COL25A1: variants seen among roughly 807,000 people sequenced by gnomAD.
COL25A1 encodes collagen type XXV alpha 1 chain.
COL25A1 carries 103 observed loss-of-function variants against 128.4 expected under a neutral mutation model. That is an observed-to-expected ratio of 0.80 (90% confidence interval 0.68 to 0.94). COL25A1 has a LOEUF of 0.94. Among genes scored for constraint, COL25A1 ranks in the 40% least tolerant of loss-of-function variants. The probability of loss-of-function intolerance (pLI) is 0.00; values close to 1 mark genes in which losing one functional copy is unlikely to be tolerated. For missense variants in COL25A1, 745 were observed against 840.0 expected (o/e 0.89, Z 1.40); for synonymous variants, 279 against 277.2 (o/e 1.01, Z -0.06).
intron 8 of COL25A1, among the ~76,000 whole-genome samples, chr4:108,962,774 G>C (rs1266878360): frequency 6.6e-6 from 1 of 151,936 alleles, no homozygotes; most frequent in East Asian, 1.9e-4. Context: ...ATTCATTTGT[G>C]CTAATAAAAC....
intron 11 of COL25A1, among the ~76,000 whole-genome samples, chr4:108,929,413 C>T (rs1179101476): frequency 1.3e-5 from 2 of 152,180 alleles, no homozygotes; most frequent in Non-Finnish European, 2.9e-5. Context: ...CATGAGCCAC[C>T]GCGCCCGGCT....
intron 30 of COL25A1, among the ~76,000 whole-genome samples, chr4:108,843,148 CAAAAAAAAAAA>C (rs540931971): frequency 2.3e-5 from 2 of 88,306 alleles, no homozygotes; most frequent in African/African-American, 4.6e-5. Context: ...GACCCTGTCT[CAAAAAAAAAAA>C]AAAAAAAAAA....
At chr4:109,267,156 T>C (rs566034290) in intron 3 of COL25A1, among the ~76,000 whole-genome samples, 1 of 152,246 alleles carries the variant, frequency 6.6e-6, no homozygotes, top group African/African-American at 2.4e-5. Flanking sequence ...TAAAACCAGA[T>C]AGGAAAAGTC....
intron 3 of COL25A1, among the ~76,000 whole-genome samples, chr4:109,225,238 A>C (rs1255193588): frequency 6.6e-6 from 1 of 151,942 alleles, no homozygotes; most frequent in East Asian, 1.9e-4. Flanking sequence ...TGCACCTGAC[A>C]AAAAAACTTA....
chr4:108,853,127 T>A (rs949514959), intron 24 of COL25A1, among the ~76,000 whole-genome samples: 2 of 152,106 alleles, frequency 1.3e-5, no homozygotes, highest in Non-Finnish European at 2.9e-5. Context: ...ATTTTTAGAA[T>A]CCTATTTAAA....
intron 3 of COL25A1, among the ~76,000 whole-genome samples, chr4:109,270,324 T>C (rs1381070137): frequency 6.6e-6 from 1 of 152,182 alleles, no homozygotes; most frequent in South Asian, 2.1e-4. Flanking sequence ...GAAAAACCCA[T>C]TGTCTCAGCC....
intron 3 of COL25A1, among the ~76,000 whole-genome samples, chr4:109,270,051 G>C (rs560096508): frequency 6.6e-6 from 1 of 152,108 alleles, no homozygotes; most frequent in Admixed American, 6.5e-5. Context: ...AATAAATTAG[G>C]TATTGATGGG....
intron 3 of COL25A1, among the ~76,000 whole-genome samples, chr4:109,161,826 G>A (rs935632376): frequency 6.6e-6 from 1 of 152,218 alleles, no homozygotes; most frequent in African/African-American, 2.4e-5. Flanking sequence ...AGAAACAAGA[G>A]GAGAAGTGCC....
intron 8 of COL25A1, among the ~76,000 whole-genome samples, chr4:108,952,647 T>C (rs1377826487): frequency 1.3e-5 from 2 of 152,120 alleles, no homozygotes; most frequent in Non-Finnish European, 2.9e-5. Context: ...GCTCTTCAGT[T>C]GAGGTTGCCA....
Position 108,817,431 on chromosome 4 carries a change from G to A in COL25A1, c.1928C>T (p.Pro643Leu). The A allele has an allele frequency of 6.2e-7, 1 of 1,613,054 alleles. No homozygotes were observed. Among genetic ancestry groups the A allele is most frequent in the Non-Finnish European group, 8.5e-7 (1 of 1,179,286 alleles). The change falls in exon 37 of 38, where the codon CCA becomes CTA. Residue 643 changes from proline (P) to leucine (L), a missense_variant. Coordinates refer to ENST00000399132, the MANE Select transcript of COL25A1 (RefSeq NM_198721.4). ...DGLDAPCQLG[P>L]DGLPMPGCWQ... The stretch of plus-strand genomic sequence containing the variant: ...ACAGCCAGGCATGGGTAAGCCATCT[G>A]GCCCCTGTTTTAAAGAGAAGAAAAA...
intron 37 of COL25A1, among the ~76,000 whole-genome samples, chr4:108,816,376 G>A (rs964042697): frequency 2.0e-5 from 3 of 152,160 alleles, no homozygotes; most frequent in South Asian, 2.1e-4. Context: ...TGCTAATGAA[G>A]CATGCCTGTC....
At chr4:108,924,675 C>T (rs868726845) in intron 11 of COL25A1, among the ~76,000 whole-genome samples, 1 of 152,212 alleles carries the variant, frequency 6.6e-6, no homozygotes, top group Admixed American at 6.5e-5. Context: ...CTCCTCCAAT[C>T]CTTTCTGCAC....
At position 109,050,141 on chromosome 4, in the gene COL25A1, C is replaced by T. The variant is rs550252586; in HGVS notation, c.406G>A (p.Glu136Lys). Residue 136 changes from glutamate to lysine, a missense_variant, in exon 4 of 38, where the codon GAA (glutamate) becomes AAA (lysine). Glu to Lys is a moderately conservative substitution (Grantham distance 56, BLOSUM62 1). Around this residue, in one of 3 missense-constraint regions of COL25A1, gnomAD observed 319 missense variants for 324.9 expected, o/e 0.98. Transcript: ENST00000399132. ...GKRGKRGRRG[E>K]SGPPGQPGPQ... ...AGCTGAAAGAGAGACTTACCAGATT[C>T]TCCTCTTCGGCCTCTCTTACCTCGT... is the stretch of plus-strand genomic sequence containing the variant. 1.2e-6 allele frequency: 2 copies of T among 1,609,422 alleles called. No homozygotes were observed. The highest frequency in any genetic ancestry group is 1.3e-5 in the African/African-American group (1 of 74,934).
At chr4:109,081,633 T>G (rs1281668772) in intron 3 of COL25A1, among the ~76,000 whole-genome samples, 1 of 152,166 alleles carries the variant, frequency 6.6e-6, no homozygotes, top group Non-Finnish European at 1.5e-5. Context: ...CCATACCCTT[T>G]AGCTATCAAC....
rs549605951 is a variant in COL25A1, at chr4:108,966,525, A to G, written c.492+7842T>C. ...TTGAACAAGTCACTTAATCTGCTTG[A>G]GTTCAATCCTCATCAGAAAAATAAA... On this transcript the variant is annotated intron_variant, in intron 8 of 37. Coordinates refer to ENST00000399132, the MANE Select transcript of COL25A1 (RefSeq NM_198721.4). 4.7e-4 allele frequency among the ~76,000 whole-genome samples: 71 copies of G among 152,214 alleles called. 1 individual carries two copies. The South Asian group carries it at 0.014, about 30-fold the overall frequency.
At chr4:109,215,004 C>A (rs1053077658) in intron 3 of COL25A1, among the ~76,000 whole-genome samples, 16 of 152,102 alleles carry the variant, frequency 1.1e-4, no homozygotes, top group Non-Finnish European at 2.2e-4. Context: ...AGATTTTTCC[C>A]TTAGCTTGAT....
chr4:109,222,789 A>G (rs1401460248), intron 3 of COL25A1, among the ~76,000 whole-genome samples: 3 of 152,200 alleles, frequency 2.0e-5, no homozygotes, highest in Non-Finnish European at 4.4e-5. Flanking sequence ...GAATGAAAAA[A>G]CTGCATTGTT....
rs1759098832 is a variant in COL25A1, at chr4:109,033,897, GAATT to G, written c.420+14267_420+14270del. On this transcript the variant is annotated intron_variant, in intron 5 of 37. Transcript: ENST00000399132. ...AAAATCAAAGTTAATAAATAATGGTGAATTATTTAAATATTTTAATTAAAAAATA... is the reference window on the plus strand; with the variant it reads ...AAAATCAAAGTTAATAAATAATGGTGATTTAAATATTTTAATTAAAAAATA... Among the ~76,000 whole-genome samples the G allele has an allele frequency of 2.6e-5, 4 of 152,022 alleles. No homozygotes were observed. The South Asian group carries it at 8.3e-4, about 32-fold the overall frequency.
chr4:109,217,491 G>T (rs904011060), intron 3 of COL25A1, among the ~76,000 whole-genome samples: 1 of 147,536 alleles, frequency 6.8e-6, no homozygotes, highest in Non-Finnish European at 1.5e-5. Context: ...AGAGAAATAC[G>T]ATTAATAACC....
Sources: allele counts gnomAD v4.1 joint callset (sites outside exome capture counted in the v4.1 genomes callset), GRCh38; gene constraint gnomAD v4.1.1; regional missense constraint gnomAD v4.1.1; transcripts MANE v1.5; gene names NCBI Gene and HGNC (gene_info 2026-07-23, HGNC 2026-07-21).